The following PIP4K2B variants were observed in gnomAD, a reference collection of about 807,000 sequenced individuals.
PIP4K2B encodes the protein phosphatidylinositol-5-phosphate 4-kinase type 2 beta.
PIP4K2B carries 3 observed loss-of-function variants against 42.0 expected under a neutral mutation model. The observed-to-expected ratio is 0.07, with a 90% CI of 0.03 to 0.18. PIP4K2B has a LOEUF of 0.18. PIP4K2B is among the 10% of genes least tolerant of loss of function. The pLI is 1.00. For missense variants in PIP4K2B, 332 were observed against 562.3 expected, an observed-to-expected ratio of 0.59 and a Z score of 4.14; for synonymous variants, 204 against 210.1, an observed-to-expected ratio of 0.97 and a Z score of 0.25.
In PIP4K2B at chr17:38,790,535, T is replaced by G. The variant is rs1346787972; in HGVS notation, c.160-3615A>C. On this transcript the variant is annotated intron_variant, in intron 1 of 9. Transcript: ENST00000619039. ...GTGCAGTGGCAGAATCTCCGCTCAC[T>G]GCAACCTCTGCCTCCTGGGTTCAAG... Among the ~76,000 whole-genome samples the G allele has an allele frequency of 2.6e-5, 4 of 152,338 alleles. No homozygotes were observed. In the South Asian group the frequency reaches 6.2e-4, roughly 24 times the overall value.
intron 7 of PIP4K2B, among the ~76,000 whole-genome samples, chr17:38,773,539 G>A (rs1909159890): frequency 6.6e-6 from 1 of 152,168 alleles, no homozygotes; most frequent in African/African-American, 2.4e-5. Context: ...TAGCATTCCA[G>A]TTTAGCTAAT....
Position 38,786,939 on chromosome 17 carries a change from G to A in PIP4K2B, c.160-19C>T, listed in dbSNP as rs373931404. ...CATTGATCTGAAAAGCAAGGAGAAC[G>A]TAAGGCTCTCAGCCAGGAGGCCACC... On this transcript the variant is annotated intron_variant, in intron 1 of 9. Transcript: ENST00000619039. The A allele has an allele frequency of 6.3e-5, 99 of 1,559,452 alleles. No individual in the cohort carries two copies. Among genetic ancestry groups the A allele is most frequent in the East Asian group, 2.7e-4 (12 of 44,586 alleles).
rs1190735703 is a variant in PIP4K2B at position 38,767,599 on chromosome 17, TTACACTTTCCA to T, written c.*2081_*2091del. On this transcript the variant is annotated 3_prime_UTR_variant, in exon 10 of 10. Coordinates refer to ENST00000619039, the MANE Select transcript of PIP4K2B (RefSeq NM_003559.5). ...GTCGTCTTTAACCAGTAAGAATGTG[TTACACTTTCCA>T]TACACATTATGGCAACATGATCAGC... is the stretch of plus-strand genomic sequence containing the variant. The T allele has an allele frequency of 1.3e-5, 2 of 152,124 alleles. No individual in the cohort carries two copies. Among genetic ancestry groups the T allele is most frequent in the African/African-American group, 4.8e-5 (2 of 41,414 alleles). The allele number at this position is 152,124 out of a possible 1,614,324, so 9.4% of individuals were successfully genotyped here.
intron 7 of PIP4K2B, chr17:38,776,660 AAAC>A (rs1490915870): frequency 2.3e-6 from 1 of 439,498 alleles, no homozygotes; most frequent in Non-Finnish European, 4.5e-6. Flanking sequence ...CAAACAAAAA[AAAC>A]ACCTATTATT....
At chr17:38,795,867 G>A (rs973578569) in intron 1 of PIP4K2B, among the ~76,000 whole-genome samples, 2 of 150,502 alleles carry the variant, frequency 1.3e-5, no homozygotes, top group Admixed American at 6.6e-5. Context: ...GGCCGGGTGC[G>A]ATGGCTCATG....
At chr17:38,795,256 T>C (rs142925580) in intron 1 of PIP4K2B, among the ~76,000 whole-genome samples, 87 of 152,124 alleles carry the variant, frequency 5.7e-4, no homozygotes, top group Middle Eastern at 3.4e-3. Context: ...AATTTAATAA[T>C]GGGCAAAAAG....
rs1326323492 is a variant in PIP4K2B at position 38,771,019 on chromosome 17, T to C, written c.1061A>G (p.His354Arg). The C allele has an allele frequency of 3.1e-6, 5 of 1,613,984 alleles. No homozygotes were observed. Among genetic ancestry groups the C allele is most frequent in the Non-Finnish European group, 4.2e-6 (5 of 1,180,010 alleles). The change falls in exon 8 of 10, where the codon CAT becomes CGT. Residue 354 changes from histidine (H) to arginine (R), a missense_variant. By Grantham distance (29) the His-to-Arg change is conservative (BLOSUM62 0). Coordinates refer to ENST00000619039, the MANE Select transcript of PIP4K2B (RefSeq NM_003559.5). ...AGGCGCAGGCTCTGACTTACTTTCA[T>C]GGCTTTTCATGGCATAGACGTCAAC... ...PSVDVYAMKS[H>R]ESSPKKEVYF...
At position 38,791,406 on chromosome 17, in the gene PIP4K2B, A is replaced by ATTTTTTTTTTT. The variant is rs58027566; in HGVS notation, c.160-4497_160-4487dup. ...TTTCCTAATCTGGCTCAGACTGCCA[A>ATTTTTTTTTTT]TTTTTTTTTTTTTTTTTTTTTTTTT... On this transcript the variant is annotated intron_variant, in intron 1 of 9. Transcript: ENST00000619039. Among the ~76,000 whole-genome samples, 107 of 91,154 alleles carry ATTTTTTTTTTT rather than the reference A, an allele frequency of 1.2e-3. 6 individuals are homozygous for ATTTTTTTTTTT. Among genetic ancestry groups the ATTTTTTTTTTT allele is most frequent in the Admixed American group, 1.7e-3 (13 of 7,590 alleles). The allele number at this position is 91,154 out of a possible 152,430, so 59.8% of individuals were successfully genotyped here. A position where few individuals can be genotyped will look rare whatever the true frequency, so the allele number is the denominator to read the frequency against.
intron 7 of PIP4K2B, among the ~76,000 whole-genome samples, chr17:38,777,302 C>T (rs1029799972): frequency 6.6e-5 from 10 of 152,090 alleles, no homozygotes; most frequent in East Asian, 3.8e-4. Flanking sequence ...TGAGCTCAAG[C>T]GATCCTCCCA....
chr17:38,776,594 G>GCACTC (rs1909358261), intron 7 of PIP4K2B: 1 of 436,364 alleles, frequency 2.3e-6, no homozygotes, highest in Admixed American at 2.7e-5. Context: ...CCACTGCACT[G>GCACTC]CACTCCAGCC....
At chr17:38,778,222 C>T (rs7207178) in intron 6 of PIP4K2B, 112 bp downstream of exon 6, 129,913 of 914,206 alleles carry the variant, frequency 0.14, 10,505 homozygotes, top group African/African-American at 0.26. Context: ...TGTTGACAGA[C>T]GGCATGTCTG....
At chr17:38,774,973 G>A (rs1351115610) in intron 7 of PIP4K2B, among the ~76,000 whole-genome samples, 1 of 151,456 alleles carries the variant, frequency 6.6e-6, no homozygotes, top group Non-Finnish European at 1.5e-5. Context: ...TTTTTGAGAT[G>A]AGGTCTCGTT....
rs35913511 is a variant in PIP4K2B, at chr17:38,783,195, C to CAAAAAA, written c.354+1042_354+1047dup. On this transcript the variant is annotated intron_variant, in intron 3 of 9. Coordinates refer to ENST00000619039, the MANE Select transcript of PIP4K2B (RefSeq NM_003559.5). ...GGATGACAGGAGTGAAACTCCATCT[C>CAAAAAA]AAAAAAAAAAAAAAAAAAAAAAAGT... Among the ~76,000 whole-genome samples, 7 of 55,888 alleles carry CAAAAAA rather than the reference C, an allele frequency of 1.3e-4. 1 individual carries two copies. The highest frequency in any genetic ancestry group is 1.7e-4 in the Non-Finnish European group (6 of 34,426). The allele number at this position is 55,888 out of a possible 152,430, so 36.7% of individuals were successfully genotyped here. A position where few individuals can be genotyped will look rare whatever the true frequency, so the allele number is the denominator to read the frequency against.
At chr17:38,796,227 G>T (rs1021809664) in intron 1 of PIP4K2B, among the ~76,000 whole-genome samples, 1 of 152,190 alleles carries the variant, frequency 6.6e-6, no homozygotes, top group Non-Finnish European at 1.5e-5. Context: ...AATAACAAGT[G>T]TTGACAAGGA....
chr17:38,788,558 T>C (rs1470653008), intron 1 of PIP4K2B, among the ~76,000 whole-genome samples: 1 of 151,746 alleles, frequency 6.6e-6, no homozygotes, highest in Non-Finnish European at 1.5e-5. Context: ...TGGACCCTCC[T>C]GATAAAAGCA....
chr17:38,792,659 G>GCCA (rs960412459), intron 1 of PIP4K2B: 1 of 152,016 alleles, frequency 6.6e-6, no homozygotes, highest in African/African-American at 2.4e-5. Context: ...CAGTGGGCTG[G>GCCA]CCACCACCAG....
intron 4 of PIP4K2B, 92 bp downstream of exon 4, chr17:38,780,360 G>A: frequency 8.7e-7 from 1 of 1,151,448 alleles, no homozygotes. Context: ...CATTACCAGA[G>A]AGGACCAACC....
Position 38,768,923 on chromosome 17 carries a change from G to C in PIP4K2B, c.*768C>G, listed in dbSNP as rs1908855271. On this transcript the variant is annotated 3_prime_UTR_variant, in exon 10 of 10. Coordinates refer to ENST00000619039, the MANE Select transcript of PIP4K2B (RefSeq NM_003559.5). The stretch of plus-strand genomic sequence containing the variant: ...TCATCACAGGGTTCTCTGAGAACCA[G>C]GTGTCCAAGAGCCCAGCCGCTTTCC... 1 of 152,618 alleles carries C rather than the reference G, an allele frequency of 6.6e-6. No individual in the cohort carries two copies. Among genetic ancestry groups the C allele is most frequent in the Non-Finnish European group, 1.5e-5 (1 of 68,046 alleles). 9.5% of individuals were successfully genotyped at this position (152,618 alleles called of 1,614,324 possible).
intron 2 of PIP4K2B, among the ~76,000 whole-genome samples, chr17:38,785,484 C>T (rs1212462027): frequency 6.6e-6 from 1 of 152,140 alleles, no homozygotes; most frequent in African/African-American, 2.4e-5. Flanking sequence ...CGAGACCAGC[C>T]TGGCCAACAT....
Sources: gnomAD v4.1 joint callset for allele counts (sites outside exome capture counted in the v4.1 genomes callset) on GRCh38, gnomAD v4.1.1 for gene constraint, MANE v1.5 for transcripts, NCBI Gene and HGNC (gene_info 2026-07-23, HGNC 2026-07-21) for gene names.